Variants in FCHSD2 observed in about 807,000 individuals in gnomAD.
FCHSD2 encodes the protein FCH and double SH3 domains 2.
In FCHSD2, 38 loss-of-function variants were observed where a neutral mutation model predicts 108.1. The observed-to-expected ratio is 0.35, with a 90% CI of 0.27 to 0.46. The LOEUF (loss-of-function observed/expected upper bound fraction) is 0.46, where lower values mean the gene tolerates loss of function less well. Ranked by LOEUF, FCHSD2 falls within the 20% of genes least tolerant of loss-of-function variation. The pLI is 1.00. For missense variants in FCHSD2, 751 were observed against 897.8 expected, an observed-to-expected ratio of 0.84 and a Z score of 2.09; for synonymous variants, 279 against 314.7, an observed-to-expected ratio of 0.89 and a Z score of 1.20.
chr11:72,850,371 A>G (rs1861253088), intron 13 of FCHSD2, among the ~76,000 whole-genome samples: 1 of 151,378 alleles, frequency 6.6e-6, no homozygotes, highest in South Asian at 2.1e-4. Flanking sequence ...GGCCTAGGAC[A>G]GAGATTTTTT....
chr11:72,887,674 G>C, intron 11 of FCHSD2, 100 bp from the exon 12 acceptor site: 1 of 686,908 alleles, frequency 1.5e-6, no homozygotes, highest in South Asian at 2.3e-5. Flanking sequence ...TTAGTGACTA[G>C]TAGCCATAAT....
intron 12 of FCHSD2, among the ~76,000 whole-genome samples, chr11:72,871,524 C>T (rs1394605273): frequency 1.3e-5 from 2 of 152,070 alleles, no homozygotes; most frequent in African/African-American, 4.8e-5. Flanking sequence ...AAGTAAGGTT[C>T]CACTTACTTA....
intron 2 of FCHSD2, among the ~76,000 whole-genome samples, chr11:73,089,895 A>G (rs1279924479): frequency 6.6e-6 from 1 of 152,198 alleles, no homozygotes; most frequent in Non-Finnish European, 1.5e-5. Context: ...TCCGAGAAAG[A>G]GTAATATTTT....
At chr11:73,103,440 CCT>C (rs1860269475) in intron 2 of FCHSD2, among the ~76,000 whole-genome samples, 1 of 152,146 alleles carries the variant, frequency 6.6e-6, no homozygotes, top group African/African-American at 2.4e-5. Context: ...GTTTAGGTAT[CCT>C]CTCTTTCAGA....
intron 2 of FCHSD2, among the ~76,000 whole-genome samples, chr11:73,121,436 A>G (rs1279807771): frequency 1.3e-5 from 2 of 152,206 alleles, no homozygotes; most frequent in Non-Finnish European, 2.9e-5. Flanking sequence ...TTATAAATAT[A>G]TAACTTTAAA....
chr11:72,900,625 G>T (rs562455093), intron 10 of FCHSD2, among the ~76,000 whole-genome samples: 4 of 151,290 alleles, frequency 2.6e-5, no homozygotes, highest in African/African-American at 9.7e-5. Context: ...CTTCAAAGAA[G>T]TCAAATCACA....
intron 8 of FCHSD2, among the ~76,000 whole-genome samples, chr11:72,932,591 C>T (rs1280928635): frequency 2.0e-5 from 3 of 152,208 alleles, no homozygotes; most frequent in Admixed American, 1.3e-4. Flanking sequence ...TGACTACTCT[C>T]TGCTTTCTCT....
At chr11:73,067,330 G>A (rs1859320003) in intron 3 of FCHSD2, among the ~76,000 whole-genome samples, 1 of 152,096 alleles carries the variant, frequency 6.6e-6, no homozygotes. Flanking sequence ...AGGGCCTGTT[G>A]GGGGTTGGGG....
intron 4 of FCHSD2, among the ~76,000 whole-genome samples, chr11:73,004,131 A>G: frequency 6.6e-6 from 1 of 151,606 alleles, no homozygotes; most frequent in Admixed American, 6.6e-5. Context: ...AAAAAAAAAA[A>G]AAAAAGGATA....
chr11:73,069,982 T>G (rs1049094967), intron 3 of FCHSD2, among the ~76,000 whole-genome samples: 3 of 152,130 alleles, frequency 2.0e-5, no homozygotes, highest in Non-Finnish European at 2.9e-5. Context: ...AGGTAGAAAG[T>G]TAGAATGCAC....
intron 8 of FCHSD2, among the ~76,000 whole-genome samples, chr11:72,958,558 T>G (rs1051418727): frequency 1.3e-5 from 2 of 152,144 alleles, no homozygotes; most frequent in Non-Finnish European, 2.9e-5. Context: ...AAAACAGTTG[T>G]TGGATTCTAT....
At chr11:73,029,938 AAAAC>A (rs1230140889) in intron 3 of FCHSD2, among the ~76,000 whole-genome samples, 1 of 152,180 alleles carries the variant, frequency 6.6e-6, no homozygotes, top group Non-Finnish European at 1.5e-5. Flanking sequence ...AACAAAAACA[AAAAC>A]AAACTAGCAA....
chr11:72,851,325 T>C (rs1034280905), intron 13 of FCHSD2, among the ~76,000 whole-genome samples: 1 of 152,200 alleles, frequency 6.6e-6, no homozygotes, highest in African/African-American at 2.4e-5. Flanking sequence ...TATTTTAAGA[T>C]GTTTACTGCA....
intron 10 of FCHSD2, among the ~76,000 whole-genome samples, chr11:72,901,256 G>A (rs1226903190): frequency 6.6e-6 from 1 of 151,992 alleles, no homozygotes; most frequent in African/African-American, 2.4e-5. Flanking sequence ...AAATAGCCAG[G>A]CACAGTGGTG....
rs115894057 is a variant in FCHSD2 at position 72,878,681 on chromosome 11, A to G, written c.1146+8789T>C. Among the ~76,000 whole-genome samples, 1,215 of 152,344 alleles carry G rather than the reference A, an allele frequency of 8.0e-3. 22 individuals are homozygous for G. The highest frequency in any genetic ancestry group is 0.027 in the African/African-American group (1,139 of 41,574). On this transcript the variant is annotated intron_variant, in intron 12 of 19. Transcript: ENST00000409418. ...ACAACTGGAATTGATAATATACTAA[A>G]TAGATAAAAATCTATAATAAGTTGA...
intron 3 of FCHSD2, among the ~76,000 whole-genome samples, chr11:73,052,977 G>A (rs1858936830): frequency 6.6e-6 from 1 of 152,010 alleles, no homozygotes; most frequent in African/African-American, 2.4e-5. Flanking sequence ...CTCCCAAGTA[G>A]CTGGGATTAC....
intron 8 of FCHSD2, among the ~76,000 whole-genome samples, chr11:72,958,594 A>T: frequency 6.6e-6 from 1 of 152,172 alleles, no homozygotes; most frequent in Non-Finnish European, 1.5e-5. Flanking sequence ...AACAAAATCT[A>T]ATAAGTGAGT....
At chr11:73,090,091 T>C (rs1333976101) in intron 2 of FCHSD2, among the ~76,000 whole-genome samples, 1 of 152,072 alleles carries the variant, frequency 6.6e-6, no homozygotes, top group Non-Finnish European at 1.5e-5. Flanking sequence ...GAATTATCAG[T>C]AAATTGTGTT....
At chr11:73,100,417 G>A (rs1013952101) in intron 2 of FCHSD2, among the ~76,000 whole-genome samples, 10 of 152,096 alleles carry the variant, frequency 6.6e-5, no homozygotes, top group African/African-American at 2.4e-4. Context: ...AGGCTGGAGT[G>A]CAATGGTGCA....
Sources: gnomAD v4.1 joint callset for allele counts (sites outside exome capture counted in the v4.1 genomes callset) on GRCh38, gnomAD v4.1.1 for gene constraint, MANE v1.5 for transcripts, NCBI Gene and HGNC (gene_info 2026-07-23, HGNC 2026-07-21) for gene names.